LNX1: variants seen among roughly 807,000 people sequenced by gnomAD.
The protein encoded by LNX1 is E3 ubiquitin-protein ligase LNX.
A neutral mutation model predicts 68.4 loss-of-function variants in LNX1; 54 were observed. That is an observed-to-expected ratio of 0.79 (90% CI 0.63 to 0.99). The LOEUF is 0.99. LNX1 is among the 50% of genes least tolerant of loss of function. The pLI, the probability that LNX1 is intolerant of heterozygous loss-of-function variation, is 0.00. For synonymous variants in LNX1, 336 were observed against 350.0 expected (o/e 0.96, Z 0.45); for missense variants, 906 against 926.4 (o/e 0.98, Z 0.29).
At chr4:53,481,191 T>G (rs537394653) in intron 7 of LNX1, among the ~76,000 whole-genome samples, 1 of 152,334 alleles carries the variant, frequency 6.6e-6, no homozygotes, top group East Asian at 1.9e-4. Context: ...TTTCTGGATT[T>G]GAATGCCATA....
At chr4:53,476,343 A>G (rs982592606) in intron 9 of LNX1, among the ~76,000 whole-genome samples, 3 of 152,308 alleles carry the variant, frequency 2.0e-5, no homozygotes, top group Admixed American at 6.5e-5. Flanking sequence ...GCCTCCCTGC[A>G]AGATCCCAGG....
At chr4:53,603,287 G>C (rs1733093981) in intron 2 of LNX1, among the ~76,000 whole-genome samples, 1 of 152,164 alleles carries the variant, frequency 6.6e-6, no homozygotes, top group Non-Finnish European at 1.5e-5. Flanking sequence ...ATGGTTCCTA[G>C]CTCATGGGGA....
chr4:53,628,165 C>A (rs1178303303), intron 1 of LNX1, among the ~76,000 whole-genome samples: 1 of 152,070 alleles, frequency 6.6e-6, no homozygotes, highest in Non-Finnish European at 1.5e-5. Context: ...AGGGTAGAGG[C>A]AGGTAAGACT....
chr4:53,584,246 T>C (rs1335519918), intron 1 of LNX1, among the ~76,000 whole-genome samples: 1 of 152,220 alleles, frequency 6.6e-6, no homozygotes, highest in Non-Finnish European at 1.5e-5. Context: ...ATTTTCCGGC[T>C]GTGTTTCAAT....
chr4:53,566,197 C>T (rs1344408444), intron 2 of LNX1, among the ~76,000 whole-genome samples: 1 of 151,840 alleles, frequency 6.6e-6, no homozygotes, highest in Non-Finnish European at 1.5e-5. Context: ...ACATAATTGT[C>T]AGATTCACCA....
At chr4:53,633,330 C>T (rs1282479990) in intron 1 of LNX1, among the ~76,000 whole-genome samples, 1 of 152,230 alleles carries the variant, frequency 6.6e-6, no homozygotes, top group Non-Finnish European at 1.5e-5. Flanking sequence ...TTTGGTCCCC[C>T]ATGCACAATA....
intron 2 of LNX1, among the ~76,000 whole-genome samples, chr4:53,614,337 T>C (rs1452185036): frequency 1.3e-5 from 2 of 152,158 alleles, no homozygotes; most frequent in African/African-American, 4.8e-5. Flanking sequence ...TCCCCTCCCA[T>C]GACACACCAT....
In LNX1 at chr4:53,625,839, C is replaced by T. The variant is rs1314839680; in HGVS notation, c.-215+26329G>A. ...TAGTTACCATATGACCCAGCAATTC[C>T]ACCCCGTGTGTGTGTGTGTGTGTGT... On this transcript the variant is annotated intron_variant, in intron 1 of 2. Coordinates refer to the LNX1 transcript ENST00000507168. Among the ~76,000 whole-genome samples the T allele has an allele frequency of 8.5e-5, 7 of 82,832 alleles. No homozygotes were observed. The East Asian group carries it at 2.6e-3, about 31-fold the overall frequency. The allele number at this position is 82,832 out of a possible 152,430, so 54.3% of individuals were successfully genotyped here. A position where few individuals can be genotyped will look rare whatever the true frequency, so the allele number is the denominator to read the frequency against.
intron 2 of LNX1, among the ~76,000 whole-genome samples, chr4:53,552,458 T>C (rs1480161663): frequency 6.6e-6 from 1 of 152,190 alleles, no homozygotes; most frequent in Non-Finnish European, 1.5e-5. Flanking sequence ...GGGTTTGGTG[T>C]GTGGAGAACG....
At chr4:53,545,626 A>G (rs193154105) in intron 2 of LNX1, among the ~76,000 whole-genome samples, 1 of 152,284 alleles carries the variant, frequency 6.6e-6, no homozygotes, top group East Asian at 1.9e-4. Context: ...TGCACTTAAA[A>G]TGTTCCAGGC....
At chr4:53,470,604 C>T (rs893812680) in intron 9 of LNX1, among the ~76,000 whole-genome samples, 1 of 152,082 alleles carries the variant, frequency 6.6e-6, no homozygotes, top group African/African-American at 2.4e-5. Flanking sequence ...TCATCTCAGC[C>T]CAAAATCTCC....
rs543636703 is a variant in LNX1 at position 53,529,224 on chromosome 4, C to T, written c.381-20997G>A. 6.6e-5 allele frequency among the ~76,000 whole-genome samples: 10 copies of T among 152,106 alleles called. No individual in the cohort carries two copies. The East Asian group carries it at 1.7e-3, about 26-fold the overall frequency. On this transcript the variant is annotated intron_variant, in intron 2 of 10. Transcript: ENST00000263925. ...TGACACAATCTAGGAGATAAGGGCA[C>T]TGGAGCTGGAGCTGGACTGAGAAAC... is the stretch of plus-strand genomic sequence containing the variant.
intron 6 of LNX1, 93 bp from the exon 7 acceptor site, chr4:53,481,947 AT>A: frequency 1.3e-5 from 18 of 1,373,248 alleles, no homozygotes; most frequent in Middle Eastern, 1.9e-4. Flanking sequence ...TGATTATACC[AT>A]TTTTTTATGG....
chr4:53,558,616 C>T (rs1412809910), intron 2 of LNX1, among the ~76,000 whole-genome samples: 3 of 152,190 alleles, frequency 2.0e-5, no homozygotes, highest in Admixed American at 1.3e-4. Context: ...TGAAATCTGG[C>T]TCTCGAGAAG....
Position 53,499,055 on chromosome 4 carries a change from C to T in LNX1, c.776-212G>A, listed in dbSNP as rs371315530. Among the ~76,000 whole-genome samples the T allele has an allele frequency of 1.1e-4, 17 of 152,294 alleles. No homozygotes were observed. The South Asian group carries it at 3.5e-3, about 32-fold the overall frequency. ...CCCAATTTTTCCTTCAAGGCCCTTC[C>T]AATTAAACTCTACCCTGATTCCTCC... On this transcript the variant is annotated intron_variant, in intron 4 of 10. Coordinates refer to ENST00000263925, the MANE Select transcript of LNX1 (RefSeq NM_001126328.3).
chr4:53,527,434 C>T (rs1487321408), intron 2 of LNX1, among the ~76,000 whole-genome samples: 2 of 152,124 alleles, frequency 1.3e-5, no homozygotes, highest in African/African-American at 2.4e-5. Context: ...GCATGAATTC[C>T]CCCACACCCA....
intron 2 of LNX1, 100 bp from the exon 3 acceptor site, chr4:53,508,327 T>G: frequency 3.5e-6 from 5 of 1,441,040 alleles, no homozygotes; most frequent in Non-Finnish European, 4.7e-6. Flanking sequence ...ATAATAGGCT[T>G]GTTGAACTTG....
In LNX1 at chr4:53,460,053, A is replaced by G. The variant is rs2150529492; in HGVS notation, c.*854T>C. 9.9e-6 allele frequency: 1 copy of G among 101,130 alleles called. No individual in the cohort carries two copies. The highest frequency in any genetic ancestry group is 2.5e-3 in the Middle Eastern group (1 of 408). The allele number at this position is 101,130 out of a possible 1,614,324, so 6.3% of individuals were successfully genotyped here. A position where few individuals can be genotyped will look rare whatever the true frequency, so the allele number is the denominator to read the frequency against. Reference sequence around the variant, plus strand: ...AAGGCATCTGGGTGGCCTCTATGAAATAAATTAATTAATTACCCATAGTGT... The same window carrying G: ...AAGGCATCTGGGTGGCCTCTATGAAGTAAATTAATTAATTACCCATAGTGT... On this transcript the variant is annotated 3_prime_UTR_variant, in exon 11 of 11. Transcript: ENST00000263925.
At position 53,571,295 on chromosome 4, in the gene LNX1, A is replaced by G. The variant is rs905038033; in HGVS notation, c.380+2328T>C. Reference sequence around the variant, plus strand: ...TCCGCCTCCCAAGTGCTGGGATTACAGGTGTGAGCCTCCATGCCCCGCGTA... The same window carrying G: ...TCCGCCTCCCAAGTGCTGGGATTACGGGTGTGAGCCTCCATGCCCCGCGTA... On this transcript the variant is annotated intron_variant, in intron 2 of 10. Coordinates refer to ENST00000263925, the MANE Select transcript of LNX1 (RefSeq NM_001126328.3). Among the ~76,000 whole-genome samples the G allele has an allele frequency of 2.6e-5, 4 of 152,054 alleles. No individual in the cohort carries two copies. In the East Asian group the frequency reaches 7.8e-4, roughly 30 times the overall value.
Sources: allele counts gnomAD v4.1 joint callset (sites outside exome capture counted in the v4.1 genomes callset), GRCh38; gene constraint gnomAD v4.1.1; transcripts MANE v1.5; gene names NCBI Gene and HGNC (gene_info 2026-07-23, HGNC 2026-07-21).